The following EDNRA variants were observed in gnomAD, a reference collection of about 807,000 sequenced individuals.
The protein encoded by EDNRA is endothelin-1 receptor.
A neutral mutation model predicts 41.4 loss-of-function variants in EDNRA; 11 were observed. That is an observed-to-expected ratio of 0.27 (90% CI 0.17 to 0.44). The LOEUF (loss-of-function observed/expected upper bound fraction) is 0.44, where lower values mean the gene tolerates loss of function less well. Ranked by LOEUF, EDNRA falls within the 20% of genes least tolerant of loss-of-function variation. EDNRA has a pLI of 1.00. For synonymous variants in EDNRA, 172 were observed against 183.0 expected (o/e 0.94, Z 0.49); for missense variants, 294 against 531.0 (o/e 0.55, Z 4.39).
rs1172147977 is a variant in EDNRA at position 147,543,390 on chromosome 4, G to A, written c.*772G>A. The A allele has an allele frequency of 6.6e-6, 1 of 152,106 alleles. No individual in the cohort carries two copies. The highest frequency in any genetic ancestry group is 2.4e-5 in the African/African-American group (1 of 41,426). The allele number at this position is 152,106 out of a possible 1,614,324, so 9.4% of individuals were successfully genotyped here. On this transcript the variant is annotated 3_prime_UTR_variant, in exon 8 of 8. Coordinates refer to ENST00000651419, the MANE Select transcript of EDNRA (RefSeq NM_001957.4). ...TTTTTTAAATGGTGTTTTATTACAAGGGACCTTGAACATGTTTTGTATGTT... is the reference window on the plus strand; with the variant it reads ...TTTTTTAAATGGTGTTTTATTACAAAGGACCTTGAACATGTTTTGTATGTT...
intron 2 of EDNRA, among the ~76,000 whole-genome samples, chr4:147,514,294 C>T (rs6827096): frequency 0.29 from 44,736 of 151,890 alleles, 11,454 homozygotes; most frequent in African/African-American, 0.7. Context: ...ACAACCCATC[C>T]TGAATATAGG....
rs10305916 is a variant in EDNRA, at chr4:147,536,174, T to G, written c.900+145T>G. ...GTAACTGTTTTCTTTATAGTAATAG[T>G]GTTAGAAATTTCTTTTGTAAAATGG... On this transcript the variant is annotated intron_variant, in intron 5 of 7. Transcript: ENST00000651419. 0.19 allele frequency: 193,321 copies of G among 1,035,368 alleles called. 19,616 individuals are homozygous for G. Among genetic ancestry groups the G allele is most frequent in the African/African-American group, 0.27 (16,890 of 61,670 alleles). The allele number at this position is 1,035,368 out of a possible 1,614,324, so 64.1% of individuals were successfully genotyped here.
At chr4:147,502,902 CT>C (rs1306972696) in intron 2 of EDNRA, among the ~76,000 whole-genome samples, 1 of 151,952 alleles carries the variant, frequency 6.6e-6, no homozygotes, top group Non-Finnish European at 1.5e-5. Context: ...GATATGACTG[CT>C]TTTTTTCATT....
chr4:147,505,993 C>T (rs1729703105), intron 2 of EDNRA: 2 of 370,172 alleles, frequency 5.4e-6, no homozygotes, highest in South Asian at 2.2e-5. Flanking sequence ...TAAGACCCAG[C>T]AGTTGCACTC....
intron 3 of EDNRA, among the ~76,000 whole-genome samples, chr4:147,531,135 T>TA (rs1730723541): frequency 6.6e-6 from 1 of 152,186 alleles, no homozygotes; most frequent in African/African-American, 2.4e-5. Flanking sequence ...AATAGTGAAG[T>TA]AAAAAATAGG....
In EDNRA at chr4:147,542,720, T is replaced by A; in HGVS notation, c.*102T>A. On this transcript the variant is annotated 3_prime_UTR_variant, in exon 8 of 8. Transcript: ENST00000651419. ...AATCTCTTCTCTGATCCTTCTTCCT[T>A]AATTCACTCCCACACCCAAGAAGAA... 6.9e-7 allele frequency: 1 copy of A among 1,449,456 alleles called. No homozygotes were observed. The highest frequency in any genetic ancestry group is 9.3e-7 in the Non-Finnish European group (1 of 1,078,398). The allele number at this position is 1,449,456 out of a possible 1,614,324, so 89.8% of individuals were successfully genotyped here. A position where few individuals can be genotyped will look rare whatever the true frequency, so the allele number is the denominator to read the frequency against.
chr4:147,535,036 C>G (rs1730873003), intron 4 of EDNRA, among the ~76,000 whole-genome samples: 1 of 152,056 alleles, frequency 6.6e-6, no homozygotes, highest in Admixed American at 6.5e-5. Flanking sequence ...ACTGCATTGT[C>G]CTTAGTAAAT....
chr4:147,499,073 C>T (rs143846481), intron 2 of EDNRA, among the ~76,000 whole-genome samples: 19 of 152,072 alleles, frequency 1.2e-4, no homozygotes, highest in African/African-American at 4.6e-4. Context: ...CTTCTTTTTT[C>T]GAGAAAGGGC....
At chr4:147,503,395 G>A (rs180913003) in intron 2 of EDNRA, among the ~76,000 whole-genome samples, 39 of 152,188 alleles carry the variant, frequency 2.6e-4, no homozygotes, top group African/African-American at 9.4e-4. Flanking sequence ...AGAGCTCCCA[G>A]GACAAGCAGA....
At chr4:147,491,514 A>C (rs1036246077) in intron 2 of EDNRA, 2 of 152,166 alleles carry the variant, frequency 1.3e-5, no homozygotes, top group African/African-American at 4.8e-5. Context: ...TTCACTCTTA[A>C]ATTAACTTCA....
intron 2 of EDNRA, chr4:147,487,903 AT>A (rs2126375588): frequency 6.6e-6 from 1 of 152,368 alleles, no homozygotes; most frequent in East Asian, 1.9e-4. Context: ...TGTTTAGCAT[AT>A]GCTACATAAC....
At chr4:147,483,140 AG>A (rs1728829739) in intron 1 of EDNRA, among the ~76,000 whole-genome samples, 1 of 152,230 alleles carries the variant, frequency 6.6e-6, no homozygotes, top group African/African-American at 2.4e-5. Context: ...GTCATTTCAT[AG>A]GTCTATCAAT....
At chr4:147,533,643 T>G (rs1730825899) in intron 4 of EDNRA, among the ~76,000 whole-genome samples, 1 of 152,188 alleles carries the variant, frequency 6.6e-6, no homozygotes, top group African/African-American at 2.4e-5. Context: ...AACTAACAAC[T>G]TAAAATTGAA....
intron 2 of EDNRA, among the ~76,000 whole-genome samples, chr4:147,500,743 TAAA>T (rs11405111): frequency 5.4e-5 from 7 of 129,516 alleles, no homozygotes; most frequent in East Asian, 2.3e-4. Context: ...GGGATGGAGG[TAAA>T]AAAAAAAAAA....
chr4:147,504,130 CA>C (rs142495637), intron 2 of EDNRA, among the ~76,000 whole-genome samples: 8 of 150,692 alleles, frequency 5.3e-5, no homozygotes, highest in African/African-American at 9.7e-5. Context: ...TCTAGCCTCA[CA>C]AAAAAAAATG....
chr4:147,486,107 A>G lies in EDNRA; in HGVS notation c.420+6A>G. 1 of 1,598,242 alleles carries G rather than the reference A, an allele frequency of 6.3e-7. No homozygotes were observed. Among genetic ancestry groups the G allele is most frequent in the Non-Finnish European group, 8.5e-7 (1 of 1,170,192 alleles). On this transcript the variant is annotated splice_donor_region_variant and intron_variant, in intron 2 of 7. Transcript: ENST00000651419. This position sits in a 1 kb window ranked among gnomAD's most constrained non-coding sequence, Gnocchi z 4.3. Reference sequence around the variant, plus strand: ...TCCCTATCAATGTATTTAAGGTAGGAAGTAACCACAAATGTATTTGCAAAT... The same window carrying G: ...TCCCTATCAATGTATTTAAGGTAGGGAGTAACCACAAATGTATTTGCAAAT...
In EDNRA at chr4:147,535,884, A is replaced by G. The variant is rs757888386; in HGVS notation, c.755A>G (p.Gln252Arg). Reference protein sequence around the residue: ...NATSKFMEFYQDVKDWWLFGF... With the variant: ...NATSKFMEFYRDVKDWWLFGF... ...TTTTTTTTCACTTTGAAGTTCTACC[A>G]AGATGTAAAGGACTGGTGGCTCTTC... The change falls in exon 5 of 8, where the codon CAA (glutamine) becomes CGA (arginine). Residue 252 changes from glutamine to arginine, a missense_variant. Coordinates refer to ENST00000651419, the MANE Select transcript of EDNRA (RefSeq NM_001957.4). 4.3e-6 allele frequency: 7 copies of G among 1,612,148 alleles called. No individual in the cohort carries two copies. The highest frequency in any genetic ancestry group is 5.9e-6 in the Non-Finnish European group (7 of 1,179,266).
intron 2 of EDNRA, among the ~76,000 whole-genome samples, chr4:147,504,275 G>T (rs1729613261): frequency 6.6e-6 from 1 of 152,148 alleles, no homozygotes; most frequent in African/African-American, 2.4e-5. Context: ...CCATATTAAT[G>T]AACTTTTCAG....
At chr4:147,538,802 A>C (rs183163800) in intron 5 of EDNRA, among the ~76,000 whole-genome samples, 30 of 152,326 alleles carry the variant, frequency 2.0e-4, no homozygotes, top group Admixed American at 6.5e-4. Context: ...TCAGCCAATC[A>C]TGTGAGTTTA....
Sources: gnomAD v4.1 joint callset for allele counts (sites outside exome capture counted in the v4.1 genomes callset) on GRCh38, gnomAD v4.1.1 for gene constraint, Gnocchi (gnomAD v3.1) non-coding constraint, MANE v1.5 for transcripts, NCBI Gene and HGNC (gene_info 2026-07-23, HGNC 2026-07-21) for gene names.